Variants in ANKS1B observed in about 807,000 individuals in gnomAD.
ANKS1B encodes ankyrin repeat and sterile alpha motif domain-containing protein 1B.
A neutral mutation model predicts 148.3 loss-of-function variants in ANKS1B; 36 were observed. The ratio of observed to expected loss-of-function variants is 0.24; its 90% CI spans 0.19 to 0.32. The LOEUF (loss-of-function observed/expected upper bound fraction) is 0.32, where lower values mean the gene tolerates loss of function less well. ANKS1B is among the 10% of genes least tolerant of loss of function. The pLI, the probability that ANKS1B is intolerant of heterozygous loss-of-function variation, is 1.00. For missense variants in ANKS1B, 1,157 were observed against 1,542.6 expected (o/e 0.75, Z 4.19); for synonymous variants, 542 against 560.8 (o/e 0.97, Z 0.47).
At chr12:99,058,121 T>C (rs1014101599) in intron 16 of ANKS1B, among the ~76,000 whole-genome samples, 2 of 152,152 alleles carry the variant, frequency 1.3e-5, no homozygotes, top group African/African-American at 4.8e-5. Context: ...ATGAATCTAT[T>C]GGCAAATGCA....
Position 99,788,306 on chromosome 12 carries a change from G to T in ANKS1B, c.670-6209C>A, listed in dbSNP as rs115239644. On this transcript the variant is annotated intron_variant, in intron 4 of 26. Coordinates refer to ENST00000683438, the MANE Select transcript of ANKS1B (RefSeq NM_001352186.2). ...TTAGATGTCAGCTCAGCCATAGTAG[G>T]ACAGGGCACTGGGCAGAGTTGTGAA... is the stretch of plus-strand genomic sequence containing the variant. 9.7e-3 allele frequency among the ~76,000 whole-genome samples: 1,476 copies of T among 152,284 alleles called. 24 individuals are homozygous for T. Among genetic ancestry groups the T allele is most frequent in the African/African-American group, 0.033 (1,383 of 41,546 alleles).
chr12:99,961,088 G>C (rs960051286), intron 1 of ANKS1B, among the ~76,000 whole-genome samples: 3 of 152,078 alleles, frequency 2.0e-5, no homozygotes, highest in African/African-American at 7.2e-5. Context: ...AATTAGCCAG[G>C]CGTGGTGACA....
intron 12 of ANKS1B, among the ~76,000 whole-genome samples, chr12:99,273,682 A>G (rs1054709184): frequency 6.0e-5 from 9 of 150,396 alleles, no homozygotes; most frequent in African/African-American, 2.2e-4. Flanking sequence ...GGTTTAAGCA[A>G]TTCTCTGCCT....
chr12:98,827,143 C>T (rs114396354), intron 19 of ANKS1B, among the ~76,000 whole-genome samples: 4,613 of 152,200 alleles, frequency 0.03, 186 homozygotes, highest in African/African-American at 0.09. Context: ...TCCATACTAG[C>T]GATCATGCTC....
chr12:99,501,577 GT>G (rs1389214625), intron 10 of ANKS1B, among the ~76,000 whole-genome samples: 2 of 152,158 alleles, frequency 1.3e-5, no homozygotes, highest in African/African-American at 2.4e-5. Context: ...TTTCCTTGGA[GT>G]CCCCTTGGGG....
Position 99,134,628 on chromosome 12 carries a change from GTCTC to G in ANKS1B, c.2526+19657_2526+19660del, listed in dbSNP as rs773301655. On this transcript the variant is annotated intron_variant, in intron 15 of 26. Coordinates refer to ENST00000683438, the MANE Select transcript of ANKS1B (RefSeq NM_001352186.2). ...TTTCTCTCTGTCTCTATCCCTTTCTGTCTCTCTCTCTCTCTCTCACACACACACA... is the reference window on the plus strand; with the variant it reads ...TTTCTCTCTGTCTCTATCCCTTTCTGTCTCTCTCTCTCTCACACACACACA... 1.5e-3 allele frequency among the ~76,000 whole-genome samples: 171 copies of G among 112,446 alleles called. 1 individual carries two copies. Among genetic ancestry groups the G allele is most frequent in the South Asian group, 3.3e-3 (11 of 3,294 alleles). The allele number at this position is 112,446 out of a possible 152,430, so 73.8% of individuals were successfully genotyped here. A position where few individuals can be genotyped will look rare whatever the true frequency, so the allele number is the denominator to read the frequency against.
intron 1 of ANKS1B, among the ~76,000 whole-genome samples, chr12:99,899,654 T>C (rs1199777902): frequency 6.6e-6 from 1 of 152,178 alleles, no homozygotes; most frequent in African/African-American, 2.4e-5. Context: ...TGTTATATTC[T>C]TGCAGAAGAT....
chr12:99,499,390 G>T (rs570052288), intron 10 of ANKS1B, among the ~76,000 whole-genome samples: 1 of 152,208 alleles, frequency 6.6e-6, no homozygotes, highest in African/African-American at 2.4e-5. Flanking sequence ...TGCAAACTAA[G>T]TCTTTACCCA....
At chr12:99,931,102 G>A (rs1006924149) in intron 1 of ANKS1B, among the ~76,000 whole-genome samples, 4 of 151,750 alleles carry the variant, frequency 2.6e-5, no homozygotes, top group African/African-American at 7.3e-5. Context: ...ACAAAAAACC[G>A]AACACTGCAT....
At position 99,827,226 on chromosome 12, in the gene ANKS1B, A is replaced by C. The variant is rs574557157; in HGVS notation, c.135-1837T>G. ...ATAAAATATTATTCAGCCCTAAAAA[A>C]GAATTATATCTAAACATTTTCTATG... On this transcript the variant is annotated intron_variant, in intron 1 of 26. Transcript: ENST00000683438. Among the ~76,000 whole-genome samples, 69 of 152,346 alleles carry C rather than the reference A, an allele frequency of 4.5e-4. 1 individual carries two copies. The Middle Eastern group carries it at 0.01, about 23-fold the overall frequency.
rs193238505 is a variant in ANKS1B at position 99,439,884 on chromosome 12, C to T, written c.1575+3789G>A. On this transcript the variant is annotated intron_variant, in intron 11 of 26. Transcript: ENST00000683438. ...CATAATGGTAAACAATGGGAAACAA[C>T]GCAAGGATCAATCAACAGGAGAATT... 1.5e-4 allele frequency among the ~76,000 whole-genome samples: 23 copies of T among 151,750 alleles called. No homozygotes were observed. The Middle Eastern group carries it at 0.017, about 112-fold the overall frequency.
At position 99,820,809 on chromosome 12, in the gene ANKS1B, A is replaced by C. The variant is rs2082408246; in HGVS notation, c.215+4500T>G. Among the ~76,000 whole-genome samples the C allele has an allele frequency of 2.0e-5, 3 of 151,962 alleles. No individual in the cohort carries two copies. In the South Asian group the frequency reaches 6.2e-4, roughly 31 times the overall value. ...AGAGAAGAGCCAGGGAGAGTTTAACAACAAAGGGGAGATAATGCAGAGTAC... is the reference window on the plus strand; with the variant it reads ...AGAGAAGAGCCAGGGAGAGTTTAACCACAAAGGGGAGATAATGCAGAGTAC... On this transcript the variant is annotated intron_variant, in intron 2 of 26. Coordinates refer to ENST00000683438, the MANE Select transcript of ANKS1B (RefSeq NM_001352186.2).
At chr12:99,838,657 T>G (rs1007715131) in intron 1 of ANKS1B, among the ~76,000 whole-genome samples, 1 of 152,168 alleles carries the variant, frequency 6.6e-6, no homozygotes, top group Non-Finnish European at 1.5e-5. Context: ...TTCTTTAAAT[T>G]TATTGTTTCT....
intron 15 of ANKS1B, among the ~76,000 whole-genome samples, chr12:99,135,579 A>G (rs780073533): frequency 6.6e-6 from 1 of 152,190 alleles, no homozygotes. Flanking sequence ...ACACTGTAAG[A>G]CAAGAGAGCA....
chr12:99,681,706 A>T (rs2153484470), intron 8 of ANKS1B, among the ~76,000 whole-genome samples: 1 of 152,332 alleles, frequency 6.6e-6, no homozygotes, highest in East Asian at 1.9e-4. Flanking sequence ...TTAGCCCCAG[A>T]TCATTCCTCT....
intron 15 of ANKS1B, among the ~76,000 whole-genome samples, chr12:99,089,864 T>C (rs1338579668): frequency 1.3e-5 from 2 of 152,226 alleles, no homozygotes; most frequent in Non-Finnish European, 2.9e-5. Flanking sequence ...CTGCATAAGG[T>C]GTTTAAATAA....
intron 12 of ANKS1B, among the ~76,000 whole-genome samples, chr12:99,255,928 A>C (rs2075206934): frequency 6.6e-6 from 1 of 152,220 alleles, no homozygotes; most frequent in Non-Finnish European, 1.5e-5. Flanking sequence ...TGTTGAATAC[A>C]AAGCTCTTTG....
intron 20 of ANKS1B, among the ~76,000 whole-genome samples, chr12:98,804,995 C>T (rs751672409): frequency 5.3e-5 from 8 of 152,182 alleles, no homozygotes; most frequent in East Asian, 3.9e-4. Context: ...CAGCTAACAA[C>T]GCAATATTTC....
chr12:99,585,404 C>G (rs2097622711), intron 9 of ANKS1B, among the ~76,000 whole-genome samples: 1 of 152,152 alleles, frequency 6.6e-6, no homozygotes, highest in South Asian at 2.1e-4. Flanking sequence ...AGGGTACAGC[C>G]CCCCTCCCGG....
Sources: allele counts gnomAD v4.1 joint callset (sites outside exome capture counted in the v4.1 genomes callset), GRCh38; gene constraint gnomAD v4.1.1; transcripts MANE v1.5; gene names NCBI Gene and HGNC (gene_info 2026-07-23, HGNC 2026-07-21).